ENTPD2: variants seen among roughly 807,000 people sequenced by gnomAD.
ENTPD2 encodes CD39 antigen-like 1.
Under a neutral mutation model 46.8 loss-of-function variants are expected in ENTPD2, and 48 were observed. The ratio of observed to expected loss-of-function variants is 1.03; its 90% CI spans 0.81 to 1.30. The LOEUF is 1.30. Ranked by LOEUF, ENTPD2 falls within the 50% of genes most tolerant of loss-of-function variation. The probability of loss-of-function intolerance (pLI) is 0.00; values close to 1 mark genes in which losing one functional copy is unlikely to be tolerated. For missense variants in ENTPD2, 707 were observed against 651.1 expected, an observed-to-expected ratio of 1.09 and a Z score of -0.93; for synonymous variants, 316 against 286.1, an observed-to-expected ratio of 1.10 and a Z score of -1.06.
chr9:137,049,828 A>G, intron 7 of ENTPD2, 42 bp downstream of exon 7: 2 of 1,577,446 alleles, frequency 1.3e-6, no homozygotes, highest in Non-Finnish European at 1.7e-6. Context: ...GCGGAGGCTG[A>G]GCCCTTCCGC....
At position 137,051,377 on chromosome 9, in the gene ENTPD2, AAC is replaced by A. The variant is rs760364367; in HGVS notation, c.387-9_387-8del. The A allele has an allele frequency of 1.3e-6, 2 of 1,544,652 alleles. No individual in the cohort carries two copies. Among genetic ancestry groups the A allele is most frequent in the South Asian group, 2.5e-5 (2 of 80,260 alleles). ...GGCCTCTGGATTGGTCAGGCTGCAA[AAC>A]ACAGAGAACTCCAAGAGGCCTTCTC... On this transcript the variant is annotated splice_polypyrimidine_tract_variant and splice_region_variant and intron_variant, in intron 3 of 8. Transcript: ENST00000355097.
At chr9:137,051,755 C>T in intron 2 of ENTPD2, 95 bp from the exon 3 acceptor site, 1 of 1,455,986 alleles carries the variant, frequency 6.9e-7, no homozygotes, top group Admixed American at 2.7e-5. Flanking sequence ...GGGCCGTGGG[C>T]TCCCAGACCA....
Position 137,048,285 on chromosome 9 carries a change from A to C in ENTPD2, c.*372T>G. 1 of 199,790 alleles carries C rather than the reference A, an allele frequency of 5.0e-6. No individual in the cohort carries two copies. Among genetic ancestry groups the C allele is most frequent in the Non-Finnish European group, 1.0e-5 (1 of 97,298 alleles). The allele number at this position is 199,790 out of a possible 1,614,324, so 12.4% of individuals were successfully genotyped here. On this transcript the variant is annotated 3_prime_UTR_variant, in exon 9 of 9. Transcript: ENST00000355097. Reference sequence around the variant, plus strand: ...CCCAGCCCTGAGGAGGAGGAGGAGGAGCACGGGGCCTGCAGTGATGCCCAG... The same window carrying C: ...CCCAGCCCTGAGGAGGAGGAGGAGGCGCACGGGGCCTGCAGTGATGCCCAG...
At position 137,050,384 on chromosome 9, in the gene ENTPD2, C is replaced by A; in HGVS notation, c.929G>T (p.Cys310Phe). ...GAAGAGCCCAGAAACCAGATCTCGG[C>A]AGAGGTGGGGGTCACTGCTCCCTGA... Reference protein sequence around the residue: ...SLSGSSDPHLCRDLVSGLFSF... With the variant: ...SLSGSSDPHLFRDLVSGLFSF... The change falls in exon 6 of 9, where the codon TGC becomes TTC. Residue 310 changes from cysteine (C) to phenylalanine (F), a missense_variant. Transcript: ENST00000355097. 3 of 1,613,026 alleles carry A rather than the reference C, an allele frequency of 1.9e-6. No homozygotes were observed. Among genetic ancestry groups the A allele is most frequent in the Non-Finnish European group, 2.5e-6 (3 of 1,179,994 alleles).
Position 137,050,453 on chromosome 9 carries a change from G to A in ENTPD2, c.860C>T (p.Ala287Val), listed in dbSNP as rs1398686395. 6.2e-7 allele frequency: 1 copy of A among 1,612,906 alleles called. No homozygotes were observed. Among genetic ancestry groups the A allele is most frequent in the East Asian group, 2.2e-5 (1 of 44,884 alleles). ...GDVYQSPCTM[A>V]QRPQNFNSSA... ...GCTGTTGAAGTTCTGGGGCCGCTGG[G>A]CCATGGTGCATGGTGACTGGTACAC... The change falls in exon 6 of 9, where the codon GCC (alanine) becomes GTC (valine). Residue 287 changes from alanine to valine, a missense_variant. By Grantham distance (64) the Ala-to-Val change is moderately conservative. Coordinates refer to ENST00000355097, the MANE Select transcript of ENTPD2 (RefSeq NM_203468.3).
At chr9:137,050,636 T>A (rs564022734) in intron 5 of ENTPD2, 98 bp from the exon 6 acceptor site, 1 of 1,500,144 alleles carries the variant, frequency 6.7e-7, no homozygotes. Flanking sequence ...ACTTCACTTT[T>A]GTGCTCAGGG....
At chr9:137,050,777 C>A (rs1211451062) in intron 5 of ENTPD2, 125 bp downstream of exon 5, 2 of 1,336,658 alleles carry the variant, frequency 1.5e-6, no homozygotes, top group Non-Finnish European at 1.0e-6. Flanking sequence ...ATGCTCTGAC[C>A]CTCCCACCTG....
chr9:137,048,444 A>C lies in ENTPD2; in HGVS notation c.*213T>G. 1.6e-5 allele frequency: 7 copies of C among 448,232 alleles called. No homozygotes were observed. The highest frequency in any genetic ancestry group is 4.6e-5 in the East Asian group (1 of 21,922). 27.8% of individuals were successfully genotyped at this position (448,232 alleles called of 1,614,324 possible). A position where few individuals can be genotyped will look rare whatever the true frequency, so the allele number is the denominator to read the frequency against. ...GCAGAGACGCTGAGGGTGGGGTGGAAGGATGGAGAAGACAGTGGTGGGGTG... is the reference window on the plus strand; with the variant it reads ...GCAGAGACGCTGAGGGTGGGGTGGACGGATGGAGAAGACAGTGGTGGGGTG... On this transcript the variant is annotated 3_prime_UTR_variant, in exon 9 of 9. Transcript: ENST00000355097.
chr9:137,048,914 G>GCCCCCCCCCCCCCCCCC, intron 8 of ENTPD2, 27 bp downstream of exon 8: 1 of 1,472,016 alleles, frequency 6.8e-7, no homozygotes, highest in South Asian at 1.3e-5. Context: ...CGCAAGGTCG[G>GCCCCCCCCCCCCCCCCC]CCCCGCCCCG....
Position 137,048,875 on chromosome 9 carries a change from G to A in ENTPD2, c.1285-15C>T, listed in dbSNP as rs1263560959. The A allele has an allele frequency of 1.3e-6, 2 of 1,517,228 alleles. No individual in the cohort carries two copies. The highest frequency in any genetic ancestry group is 2.1e-5 in the Admixed American group (1 of 46,866). The allele number at this position is 1,517,228 out of a possible 1,614,324, so 94.0% of individuals were successfully genotyped here. The stretch of plus-strand genomic sequence containing the variant: ...GTGTCCGCGGCCTGCGGGGAAGGGC[G>A]TGGCCTCAGCTCCCGAGAGGCCCCG... On this transcript the variant is annotated splice_polypyrimidine_tract_variant and intron_variant, in intron 8 of 8. Coordinates refer to ENST00000355097, the MANE Select transcript of ENTPD2 (RefSeq NM_203468.3).
In ENTPD2 at chr9:137,052,284, T is replaced by C. The variant is rs1338947316; in HGVS notation, c.182A>G (p.Asp61Gly). The C allele has an allele frequency of 1.9e-6, 3 of 1,611,176 alleles. No individual in the cohort carries two copies. Among genetic ancestry groups the C allele is most frequent in the Non-Finnish European group, 2.5e-6 (3 of 1,178,996 alleles). Residue 61 changes from aspartate (D) to glycine (G), a missense_variant, in exon 2 of 9, where the codon GAC becomes GGC. Coordinates refer to ENST00000355097, the MANE Select transcript of ENTPD2 (RefSeq NM_203468.3). ...TSMFIYKWPA[D>G]KENDTGIVGQ... ...CACAATGCCTGTGTCGTTCTCCTTGTCTGCCGGCCACTTGTAGATAAACAT... is the reference window on the plus strand; with the variant it reads ...CACAATGCCTGTGTCGTTCTCCTTGCCTGCCGGCCACTTGTAGATAAACAT...
chr9:137,053,834 C>T, intron 1 of ENTPD2, 47 bp downstream of exon 1: 1 of 1,183,186 alleles, frequency 8.5e-7, no homozygotes, highest in African/African-American at 1.6e-5. Flanking sequence ...CGGCTCCAAG[C>T]CCGGCCCGCT....
Position 137,048,573 on chromosome 9 carries a change from G to A in ENTPD2, c.*84C>T, listed in dbSNP as rs1294579367. 25 of 1,208,810 alleles carry A rather than the reference G, an allele frequency of 2.1e-5. No homozygotes were observed. The highest frequency in any genetic ancestry group is 7.4e-5 in the South Asian group (5 of 67,464). 74.9% of individuals were successfully genotyped at this position (1,208,810 alleles called of 1,614,324 possible). ...AGGGGTGGGGATACAGGGGTGGGAG[G>A]TACAGGGGTTGTGGGAGGGGTGGGA... On this transcript the variant is annotated 3_prime_UTR_variant, in exon 9 of 9. Coordinates refer to ENST00000355097, the MANE Select transcript of ENTPD2 (RefSeq NM_203468.3).
In ENTPD2 at chr9:137,054,036, G is replaced by T; in HGVS notation, c.-39C>A. Reference sequence around the variant, plus strand: ...CGCGGGAGGACGATGCGTGGACCCGGAGAGTGCGGGGAGCCGGAGGCGGAG... The same window carrying T: ...CGCGGGAGGACGATGCGTGGACCCGTAGAGTGCGGGGAGCCGGAGGCGGAG... On this transcript the variant is annotated 5_prime_UTR_variant, in exon 1 of 9. Transcript: ENST00000355097. 2.5e-6 allele frequency: 3 copies of T among 1,176,528 alleles called. No individual in the cohort carries two copies. The highest frequency in any genetic ancestry group is 3.2e-6 in the Non-Finnish European group (3 of 945,814). The allele number at this position is 1,176,528 out of a possible 1,614,324, so 72.9% of individuals were successfully genotyped here. A position where few individuals can be genotyped will look rare whatever the true frequency, so the allele number is the denominator to read the frequency against.
chr9:137,051,134 G>A lies in ENTPD2; in HGVS notation c.547-5C>T. On this transcript the variant is annotated splice_region_variant and splice_polypyrimidine_tract_variant and intron_variant, in intron 4 of 8. Coordinates refer to ENST00000355097, the MANE Select transcript of ENTPD2 (RefSeq NM_203468.3). ...CCACCGGCCCACCCAGCCGTACTGTGGAGAGGGGAGTGTGGGGTCAACCAG... is the reference window on the plus strand; with the variant it reads ...CCACCGGCCCACCCAGCCGTACTGTAGAGAGGGGAGTGTGGGGTCAACCAG... 6.2e-7 allele frequency: 1 copy of A among 1,612,788 alleles called. No homozygotes were observed. Among genetic ancestry groups the A allele is most frequent in the Non-Finnish European group, 8.5e-7 (1 of 1,179,940 alleles).
intron 2 of ENTPD2, 147 bp from the exon 3 acceptor site, chr9:137,051,807 G>C: frequency 7.7e-7 from 1 of 1,294,456 alleles, no homozygotes; most frequent in East Asian, 2.6e-5. Context: ...AAACGCCCAG[G>C]TTGGAGACAA....
intron 5 of ENTPD2, 123 bp downstream of exon 5, chr9:137,050,779 T>A: frequency 7.4e-7 from 1 of 1,342,964 alleles, no homozygotes; most frequent in Non-Finnish European, 1.0e-6. Flanking sequence ...GCTCTGACCC[T>A]CCCACCTGTC....
Position 137,048,304 on chromosome 9 carries a change from T to A in ENTPD2, c.*353A>T, listed in dbSNP as rs1832176550. 1 of 234,580 alleles carries A rather than the reference T, an allele frequency of 4.3e-6. No individual in the cohort carries two copies. The highest frequency in any genetic ancestry group is 8.4e-6 in the Non-Finnish European group (1 of 118,546). 14.5% of individuals were successfully genotyped at this position (234,580 alleles called of 1,614,324 possible). On this transcript the variant is annotated 3_prime_UTR_variant, in exon 9 of 9. Transcript: ENST00000355097. Reference sequence around the variant, plus strand: ...AGGAGGAGCACGGGGCCTGCAGTGATGCCCAGGCTGAAGCGGGCTGGAGGG... The same window carrying A: ...AGGAGGAGCACGGGGCCTGCAGTGAAGCCCAGGCTGAAGCGGGCTGGAGGG...
At chr9:137,052,458 A>T in intron 1 of ENTPD2, 110 bp from the exon 2 acceptor site, 1 of 814,738 alleles carries the variant, frequency 1.2e-6, no homozygotes, top group Non-Finnish European at 1.9e-6. Context: ...CCCCCCACCC[A>T]GTCATGTGCC....
Sources: gnomAD v4.1 joint callset for allele counts on GRCh38, gnomAD v4.1.1 for gene constraint, MANE v1.5 for transcripts, NCBI Gene and HGNC (gene_info 2026-07-23, HGNC 2026-07-21) for gene names.